PDE3B: variants seen among roughly 807,000 people sequenced by gnomAD.
PDE3B encodes the protein cGMP-inhibited 3',5'-cyclic phosphodiesterase 3B.
In PDE3B, 66 loss-of-function variants were observed where a neutral mutation model predicts 116.8. That is an observed-to-expected ratio of 0.56 (90% CI 0.46 to 0.69). PDE3B has a LOEUF of 0.69. PDE3B is among the 30% of genes least tolerant of loss of function. PDE3B has a pLI of 0.00. For missense variants in PDE3B, 1,384 were observed against 1,368.1 expected (o/e 1.01, Z -0.18); for synonymous variants, 595 against 533.6 (o/e 1.12, Z -1.59).
chr11:14,857,929 C>T (rs1386157441), intron 12 of PDE3B, among the ~76,000 whole-genome samples: 1 of 152,052 alleles, frequency 6.6e-6, no homozygotes, highest in Non-Finnish European at 1.5e-5. Flanking sequence ...AGGGAGTTTT[C>T]GAAGCTTACT....
chr11:14,884,056 A>G, the PDE3B span, among the ~76,000 whole-genome samples: 7 of 152,090 alleles, frequency 4.6e-5, no homozygotes, highest in African/African-American at 1.4e-4. Context: ...GATGTGGAGA[A>G]TTAGGAATAC....
At position 14,786,520 on chromosome 11, in the gene PDE3B, C is replaced by T. The variant is rs2133916299; in HGVS notation, c.1113C>T (p.Ser371=). The part of the protein sequence containing the change: ...NMVSDLLTDP[S]LPPQVISSLR... ...TGTCAGATCTTCTGACTGATCCAAG[C>T]CTTCCACCACAAGTCATTTCCTCTC... The change falls in exon 3 of 16, where the codon AGC becomes AGT. Residue 371 remains serine, a synonymous_variant. Transcript: ENST00000282096. 6.2e-7 allele frequency: 1 copy of T among 1,612,950 alleles called. No homozygotes were observed. Among genetic ancestry groups the T allele is most frequent in the East Asian group, 2.2e-5 (1 of 44,846 alleles).
chr11:14,715,951 A>G (rs1293634086), intron 1 of PDE3B, among the ~76,000 whole-genome samples: 1 of 152,206 alleles, frequency 6.6e-6, no homozygotes, highest in Non-Finnish European at 1.5e-5. Flanking sequence ...TCCGGTCTAC[A>G]GCTCCCAGCG....
In PDE3B at chr11:14,644,039, G is replaced by C. The variant is rs763163508; in HGVS notation, c.-37G>C. On this transcript the variant is annotated 5_prime_UTR_variant, in exon 1 of 16. Coordinates refer to ENST00000282096, the MANE Select transcript of PDE3B (RefSeq NM_000922.4). ...CGAGCGGCCGCTACGGTACGAGCGG[G>C]GTGTGCTGAGTCCCGTGGCCACCCC... The C allele has an allele frequency of 2.8e-6, 4 of 1,439,000 alleles. No homozygotes were observed. Among genetic ancestry groups the C allele is most frequent in the Admixed American group, 3.0e-5 (1 of 33,890 alleles). The allele number at this position is 1,439,000 out of a possible 1,614,324, so 89.1% of individuals were successfully genotyped here.
chr11:14,736,877 T>C (rs1233052093), intron 1 of PDE3B, among the ~76,000 whole-genome samples: 1 of 152,080 alleles, frequency 6.6e-6, no homozygotes, highest in East Asian at 1.9e-4. Context: ...AAGAAAAGAT[T>C]AAAGAAGTGG....
intron 1 of PDE3B, among the ~76,000 whole-genome samples, chr11:14,691,003 A>G (rs1269361499): frequency 6.6e-6 from 1 of 152,188 alleles, no homozygotes; most frequent in Non-Finnish European, 1.5e-5. Flanking sequence ...ATAGCACAGA[A>G]GGAAAAATTA....
At chr11:14,791,512 C>T (rs1858390745) in intron 4 of PDE3B, among the ~76,000 whole-genome samples, 2 of 152,130 alleles carry the variant, frequency 1.3e-5, no homozygotes, top group South Asian at 2.1e-4. Flanking sequence ...GTTATCTTTG[C>T]ATCCTGTTAC....
At chr11:14,692,419 A>G (rs1394013014) in intron 1 of PDE3B, among the ~76,000 whole-genome samples, 1 of 152,174 alleles carries the variant, frequency 6.6e-6, no homozygotes, top group African/African-American at 2.4e-5. Flanking sequence ...AAAACTTAGT[A>G]TGTTTCGCAG....
At chr11:14,855,924 T>A (rs1555006116) in intron 12 of PDE3B, among the ~76,000 whole-genome samples, 2 of 152,240 alleles carry the variant, frequency 1.3e-5, no homozygotes, top group African/African-American at 4.8e-5. Context: ...AAAATGTATT[T>A]CAGCAGAAGA....
chr11:14,792,943 A>G (rs371729269), intron 4 of PDE3B, among the ~76,000 whole-genome samples: 53 of 152,218 alleles, frequency 3.5e-4, no homozygotes, highest in African/African-American at 1.2e-3. Context: ...CGCTTTTCAC[A>G]TTTGACTTTA....
At chr11:14,829,994 C>T (rs1859822281) in intron 7 of PDE3B, among the ~76,000 whole-genome samples, 1 of 152,094 alleles carries the variant, frequency 6.6e-6, no homozygotes. Context: ...AGAGTATATA[C>T]TTTTATGCCT....
intron 1 of PDE3B, among the ~76,000 whole-genome samples, chr11:14,658,397 C>G (rs1214893848): frequency 1.3e-5 from 2 of 152,066 alleles, no homozygotes; most frequent in African/African-American, 4.8e-5. Context: ...GCTCTTGTCG[C>G]CCAGGCTGAA....
chr11:14,741,084 T>G (rs1307596481), intron 1 of PDE3B, among the ~76,000 whole-genome samples: 2 of 152,118 alleles, frequency 1.3e-5, no homozygotes, highest in African/African-American at 4.8e-5. Flanking sequence ...TCCGTTGATT[T>G]GGGGTGGGGA....
At chr11:14,837,518 A>T (rs2133968317) in intron 11 of PDE3B, among the ~76,000 whole-genome samples, 1 of 152,346 alleles carries the variant, frequency 6.6e-6, no homozygotes, top group Non-Finnish European at 1.5e-5. Flanking sequence ...TTACTGTGTA[A>T]CACGGATTCC....
At chr11:14,768,410 T>G (rs1857553918) in intron 1 of PDE3B, among the ~76,000 whole-genome samples, 1 of 151,560 alleles carries the variant, frequency 6.6e-6, no homozygotes, top group South Asian at 2.1e-4. Context: ...TTACCATAAG[T>G]ATTTCTAATA....
chr11:14,808,630 T>C (rs948985443), intron 5 of PDE3B, among the ~76,000 whole-genome samples: 2 of 151,878 alleles, frequency 1.3e-5, no homozygotes, highest in African/African-American at 4.8e-5. Flanking sequence ...AGCTTGTATA[T>C]GTAAAATCCT....
rs201132972 is a variant in PDE3B at position 14,725,289 on chromosome 11, TTTTC to T, written c.979-46630_979-46627del. Among the ~76,000 whole-genome samples the T allele has an allele frequency of 2.0e-3, 291 of 148,494 alleles. 2 individuals carry two copies. The highest frequency in any genetic ancestry group is 0.012 in the South Asian group (54 of 4,608). ...TTTCTCTTTCTTTTTCTTTCTTTCT[TTTTC>T]TTTCTTTCTTTCTTTCTCTTTCTTT... On this transcript the variant is annotated intron_variant, in intron 1 of 15. Coordinates refer to ENST00000282096, the MANE Select transcript of PDE3B (RefSeq NM_000922.4).
chr11:14,872,653 C>T (rs1373066254), downstream of PDE3B, among the ~76,000 whole-genome samples: 1 of 152,188 alleles, frequency 6.6e-6, no homozygotes, highest in Non-Finnish European at 1.5e-5. Context: ...AAATAGCATA[C>T]TTCAGTTGTC....
At chr11:14,692,576 G>GTATA (rs1032008104) in intron 1 of PDE3B, among the ~76,000 whole-genome samples, 11 of 151,960 alleles carry the variant, frequency 7.2e-5, no homozygotes, top group African/African-American at 2.7e-4. Flanking sequence ...TTTTTTATTA[G>GTATA]TATATCTATT....
Sources: allele counts gnomAD v4.1 joint callset (sites outside exome capture counted in the v4.1 genomes callset), GRCh38; gene constraint gnomAD v4.1.1; transcripts MANE v1.5; gene names NCBI Gene and HGNC (gene_info 2026-07-23, HGNC 2026-07-21).